KCNMA1: variants seen among roughly 807,000 people sequenced by gnomAD.
KCNMA1 encodes the protein potassium calcium-activated channel subfamily M alpha 1.
Under a neutral mutation model 140.0 loss-of-function variants are expected in KCNMA1, and 29 were observed. That is an observed-to-expected ratio of 0.21 (90% CI 0.15 to 0.28). The LOEUF is 0.28. KCNMA1 is among the 10% of genes least tolerant of loss of function. KCNMA1 has a pLI of 1.00. For missense variants in KCNMA1, 880 were observed against 1,602.2 expected (o/e 0.55, Z 7.70); for synonymous variants, 612 against 611.9 (o/e 1.00, Z 0.00).
chr10:77,618,102 G>A (rs1047047011), intron 1 of KCNMA1, among the ~76,000 whole-genome samples: 3 of 152,016 alleles, frequency 2.0e-5, no homozygotes, highest in African/African-American at 4.8e-5. Flanking sequence ...CCTATCATCC[G>A]GACAGATGCA....
chr10:77,000,434 A>T (rs1042297156), intron 19 of KCNMA1, among the ~76,000 whole-genome samples: 24 of 152,114 alleles, frequency 1.6e-4, no homozygotes, highest in Admixed American at 9.2e-4. Flanking sequence ...AGCAAAGTCC[A>T]TGGGGAAGCA....
chr10:77,269,444 G>C (rs1210282353), intron 2 of KCNMA1, among the ~76,000 whole-genome samples: 1 of 152,154 alleles, frequency 6.6e-6, no homozygotes, highest in African/African-American at 2.4e-5. Context: ...GAAGCACTTT[G>C]AGAAAGTTCA....
chr10:77,526,180 C>G (rs1360097731), intron 1 of KCNMA1, among the ~76,000 whole-genome samples: 1 of 152,126 alleles, frequency 6.6e-6, no homozygotes, highest in African/African-American at 2.4e-5. Flanking sequence ...AAAGAAAGGG[C>G]CCAGGGCCTC....
At chr10:76,918,706 A>G (rs2054010820) in intron 23 of KCNMA1, among the ~76,000 whole-genome samples, 1 of 152,112 alleles carries the variant, frequency 6.6e-6, no homozygotes, top group South Asian at 2.1e-4. Flanking sequence ...CTAAAAGTAG[A>G]TCTACCATTT....
Position 76,954,898 on chromosome 10 carries a change from T to C in KCNMA1, c.2361-974A>G, listed in dbSNP as rs570766630. Among the ~76,000 whole-genome samples, 203 of 152,306 alleles carry C rather than the reference T, an allele frequency of 1.3e-3. 1 individual carries two copies. The highest frequency in any genetic ancestry group is 4.7e-3 in the African/African-American group (197 of 41,572). Reference sequence around the variant, plus strand: ...GAATCAGGCAGTTCTAACAAGCTTATAGCACAATAAATAAGCTCCTGCACC... The same window carrying C: ...GAATCAGGCAGTTCTAACAAGCTTACAGCACAATAAATAAGCTCCTGCACC... On this transcript the variant is annotated intron_variant, in intron 20 of 27. Coordinates refer to ENST00000286628, the MANE Select transcript of KCNMA1 (RefSeq NM_001161352.2).
chr10:77,523,210 C>CCA (rs1555416275), intron 1 of KCNMA1, among the ~76,000 whole-genome samples: 3 of 150,174 alleles, frequency 2.0e-5, no homozygotes, highest in African/African-American at 7.4e-5. Flanking sequence ...CGTGCCCCCC[C>CCA]CCCTTGCAAT....
chr10:77,513,531 T>C (rs1055242455), intron 1 of KCNMA1, among the ~76,000 whole-genome samples: 1 of 152,120 alleles, frequency 6.6e-6, no homozygotes, highest in African/African-American at 2.4e-5. Flanking sequence ...CTTTGCAAAC[T>C]GTAAAGTGCT....
chr10:76,913,825 A>C, intron 24 of KCNMA1: 1 of 493,640 alleles, frequency 2.0e-6, no homozygotes, highest in Non-Finnish European at 3.6e-6. Context: ...CTGCCAGGTC[A>C]GATGGGTGTG....
At chr10:77,198,320 A>C (rs955487198) in intron 3 of KCNMA1, among the ~76,000 whole-genome samples, 2 of 152,068 alleles carry the variant, frequency 1.3e-5, no homozygotes, top group African/African-American at 4.8e-5. Flanking sequence ...GGAACCCAAC[A>C]GTCGTGAAAG....
chr10:76,949,098 A>G (rs1370458752), intron 22 of KCNMA1, 44 bp downstream of exon 22: 1 of 1,398,818 alleles, frequency 7.1e-7, no homozygotes, highest in South Asian at 1.2e-5. Context: ...TTCTTTTGTG[A>G]ATGAAAAGAA....
intron 1 of KCNMA1, among the ~76,000 whole-genome samples, chr10:77,496,586 G>A (rs2042010437): frequency 9.3e-6 from 1 of 108,034 alleles, no homozygotes; most frequent in African/African-American, 3.4e-5. Flanking sequence ...GACAGAGCGA[G>A]ACACTGTCTC....
At chr10:77,487,616 C>T (rs2098476509) in intron 1 of KCNMA1, among the ~76,000 whole-genome samples, 1 of 152,192 alleles carries the variant, frequency 6.6e-6, no homozygotes, top group Non-Finnish European at 1.5e-5. Flanking sequence ...ATGGGCAATT[C>T]TCTCACTGTA....
intron 2 of KCNMA1, 80 bp from the exon 3 acceptor site, chr10:77,251,336 C>T (rs1001911006): frequency 5.6e-6 from 6 of 1,068,048 alleles, no homozygotes; most frequent in African/African-American, 3.1e-5. Flanking sequence ...ACCGAAGCAG[C>T]TTTGAAATAC....
chr10:77,327,520 A>T (rs1315107481), intron 2 of KCNMA1, among the ~76,000 whole-genome samples: 2 of 151,984 alleles, frequency 1.3e-5, no homozygotes, highest in East Asian at 3.9e-4. Context: ...CATCCTGCTA[A>T]TGTTTTATAT....
At chr10:77,064,665 G>C (rs2153682847) in intron 14 of KCNMA1, among the ~76,000 whole-genome samples, 1 of 152,268 alleles carries the variant, frequency 6.6e-6, no homozygotes, top group South Asian at 2.1e-4. Context: ...TAGTGGGCTT[G>C]GTCAGACTGA....
chr10:77,151,208 CTTT>C (rs1564839367), intron 5 of KCNMA1, among the ~76,000 whole-genome samples: 1 of 3,094 alleles, frequency 3.2e-4, no homozygotes, highest in African/African-American at 1.4e-3. Context: ...CTCTCTCTCT[CTTT>C]CTTTCTTTCC....
At chr10:77,261,785 G>A (rs925381422) in intron 2 of KCNMA1, among the ~76,000 whole-genome samples, 2 of 152,180 alleles carry the variant, frequency 1.3e-5, no homozygotes, top group African/African-American at 2.4e-5. Context: ...TCCATTTGAG[G>A]TCTAAAGTTG....
chr10:77,011,112 C>T (rs1322775688), intron 18 of KCNMA1, among the ~76,000 whole-genome samples: 1 of 152,108 alleles, frequency 6.6e-6, no homozygotes, highest in East Asian at 1.9e-4. Flanking sequence ...TTTTAAAAGA[C>T]TAACTCACCA....
chr10:77,537,646 C>A (rs2059204806), intron 1 of KCNMA1, among the ~76,000 whole-genome samples: 1 of 152,178 alleles, frequency 6.6e-6, no homozygotes, highest in African/African-American at 2.4e-5. Flanking sequence ...CCATCTCCTC[C>A]TCTGCCTCTA....
Sources: allele counts gnomAD v4.1 joint callset (sites outside exome capture counted in the v4.1 genomes callset), GRCh38; gene constraint gnomAD v4.1.1; transcripts MANE v1.5; gene names NCBI Gene and HGNC (gene_info 2026-07-23, HGNC 2026-07-21).